The following ABCC9 variants were observed in gnomAD, a reference collection of about 807,000 sequenced individuals.
The protein encoded by ABCC9 is ATP binding cassette subfamily C member 9.
Under a neutral mutation model 188.3 loss-of-function variants are expected in ABCC9, and 95 were observed. The observed-to-expected ratio is 0.50, with a 90% confidence interval of 0.43 to 0.60. The LOEUF (loss-of-function observed/expected upper bound fraction) is 0.60, where lower values mean the gene tolerates loss of function less well. Ranked by LOEUF, ABCC9 falls within the 20% of genes least tolerant of loss-of-function variation. The pLI is 0.00. For missense variants in ABCC9, 1,102 were observed against 1,876.3 expected, an observed-to-expected ratio of 0.59 and a Z score of 7.62; for synonymous variants, 659 against 652.7, an observed-to-expected ratio of 1.01 and a Z score of -0.15.
At chr12:21,834,835 CAT>C (rs1233866697) in intron 30 of ABCC9, among the ~76,000 whole-genome samples, 1 of 144,198 alleles carries the variant, frequency 6.9e-6, no homozygotes, top group African/African-American at 2.6e-5. Flanking sequence ...ACAGTGCGCA[CAT>C]GAGGAGGGAG....
intron 21 of ABCC9, among the ~76,000 whole-genome samples, chr12:21,860,527 T>C (rs571363885): frequency 2.6e-5 from 4 of 152,326 alleles, no homozygotes; most frequent in African/African-American, 7.2e-5. Context: ...TAGGTATAAC[T>C]ATTTTTCAGC....
At chr12:21,857,310 G>A (rs1358043093) in intron 22 of ABCC9, among the ~76,000 whole-genome samples, 3 of 152,044 alleles carry the variant, frequency 2.0e-5, no homozygotes, top group African/African-American at 4.8e-5. Flanking sequence ...TGCTTGCTTG[G>A]CCTAGAGAAA....
chr12:21,818,198 C>T lies in ABCC9; in HGVS notation c.3723G>A (p.Gly1241=). The change falls in exon 32 of 40, where the codon GGG becomes GGA. Residue 1241 remains glycine (G), a synonymous_variant. Coordinates refer to ENST00000261200, the MANE Select transcript of ABCC9 (RefSeq NM_020297.4). ...VLTASIASIS[G]SSNSGLVGLG... is the part of the protein sequence containing the mutation. The stretch of plus-strand genomic sequence containing the variant: ...AGCCTACCAATCCAGAATTCGAAGA[C>T]CCACTAATGGATGCTATAGATGCAG... 6.2e-7 allele frequency: 1 copy of T among 1,613,956 alleles called. No homozygotes were observed. Among genetic ancestry groups the T allele is most frequent in the Non-Finnish European group, 8.5e-7 (1 of 1,179,896 alleles).
intron 3 of ABCC9, among the ~76,000 whole-genome samples, chr12:21,935,902 A>C (rs1415566988): frequency 2.6e-5 from 4 of 152,166 alleles, no homozygotes; most frequent in African/African-American, 9.6e-5. Flanking sequence ...GATTTTATAC[A>C]TATGTAAACT....
chr12:21,930,889 T>C (rs1201135748), intron 4 of ABCC9, among the ~76,000 whole-genome samples: 1 of 152,138 alleles, frequency 6.6e-6, no homozygotes, highest in South Asian at 2.1e-4. Flanking sequence ...CAGGGAAGAT[T>C]GGGCATATGT....
At chr12:21,921,423 A>AT (rs1457627195) in intron 5 of ABCC9, among the ~76,000 whole-genome samples, 2 of 151,562 alleles carry the variant, frequency 1.3e-5, no homozygotes, top group East Asian at 1.9e-4. Flanking sequence ...ATTATTAGTT[A>AT]TTTTTTTCCT....
At chr12:21,937,512 C>T (rs1949534711) in intron 2 of ABCC9, among the ~76,000 whole-genome samples, 1 of 152,028 alleles carries the variant, frequency 6.6e-6, no homozygotes, top group Non-Finnish European at 1.5e-5. Flanking sequence ...CTGGGGATTC[C>T]GGGGCAGAGG....
At position 21,895,260 on chromosome 12, in the gene ABCC9, GA is replaced by G; in HGVS notation, c.1659+14del. On this transcript the variant is annotated intron_variant, in intron 13 of 39. Coordinates refer to ENST00000261200, the MANE Select transcript of ABCC9 (RefSeq NM_020297.4). ...GACTTGGTTTCATTTCTAAAAGAGA[GA>G]AAAAGTGTCTTACAGCAAGAACAGC... The G allele has an allele frequency of 6.2e-7, 1 of 1,610,202 alleles. No individual in the cohort carries two copies. The highest frequency in any genetic ancestry group is 8.5e-7 in the Non-Finnish European group (1 of 1,176,656).
intron 39 of ABCC9, among the ~76,000 whole-genome samples, chr12:21,804,403 C>T (rs946170769): frequency 2.0e-5 from 3 of 152,164 alleles, no homozygotes; most frequent in African/African-American, 7.2e-5. Flanking sequence ...TTTTCTCTCC[C>T]TCTCTCCACC....
At chr12:21,864,962 A>G (rs1022531813) in intron 18 of ABCC9, among the ~76,000 whole-genome samples, 21 of 152,176 alleles carry the variant, frequency 1.4e-4, no homozygotes, top group African/African-American at 5.1e-4. Flanking sequence ...CTGGCCCCTC[A>G]GGAGCTTGTA....
intron 24 of ABCC9, 74 bp from the exon 25 acceptor site, chr12:21,848,320 C>A: frequency 7.7e-7 from 1 of 1,297,802 alleles, no homozygotes; most frequent in South Asian, 1.2e-5. Context: ...ATGACTCACA[C>A]GTGTAAATGG....
chr12:21,842,755 A>G (rs544354515), intron 28 of ABCC9, among the ~76,000 whole-genome samples: 1 of 152,310 alleles, frequency 6.6e-6, no homozygotes, highest in South Asian at 2.1e-4. Context: ...GTGTTTGTTT[A>G]CTGAGCAAGA....
chr12:21,810,078 T>C (rs1159085115), intron 36 of ABCC9, 123 bp from the exon 37 acceptor site: 6 of 689,886 alleles, frequency 8.7e-6, no homozygotes, highest in Non-Finnish European at 1.5e-5. Flanking sequence ...TGCTGTATAT[T>C]CAGCACCTAG....
At chr12:21,913,946 G>A (rs1948431358) in intron 7 of ABCC9, among the ~76,000 whole-genome samples, 1 of 152,132 alleles carries the variant, frequency 6.6e-6, no homozygotes, top group Non-Finnish European at 1.5e-5. Flanking sequence ...AATCTCTGTT[G>A]TAAAGAGAAC....
chr12:21,810,737 C>T (rs1298119844), intron 36 of ABCC9, among the ~76,000 whole-genome samples: 1 of 152,052 alleles, frequency 6.6e-6, no homozygotes, highest in Non-Finnish European at 1.5e-5. Flanking sequence ...CATAGCCAAA[C>T]CATATCAAGT....
chr12:21,868,368 G>A (rs530687736), intron 18 of ABCC9, among the ~76,000 whole-genome samples: 5 of 152,306 alleles, frequency 3.3e-5, no homozygotes, highest in South Asian at 4.1e-4. Context: ...GGCCGGGCAC[G>A]GTGGCTCACG....
intron 22 of ABCC9, among the ~76,000 whole-genome samples, chr12:21,858,271 A>C (rs571992211): frequency 6.6e-6 from 1 of 152,192 alleles, no homozygotes; most frequent in South Asian, 2.1e-4. Flanking sequence ...GGATCCATCC[A>C]TTATTATAAA....
chr12:21,852,598 G>T, intron 22 of ABCC9, 93 bp from the exon 23 acceptor site: 1 of 1,401,754 alleles, frequency 7.1e-7, no homozygotes, highest in Non-Finnish European at 1.0e-6. Context: ...ATAACTAAGG[G>T]CAAATCATCC....
chr12:21,805,281 G>T (rs1941757133), intron 39 of ABCC9: 1 of 1,613,738 alleles, frequency 6.2e-7, no homozygotes, highest in African/African-American at 1.3e-5. Flanking sequence ...ACTAAAACAA[G>T]GCCTGCATCC....
Sources: gnomAD v4.1 joint callset for allele counts (sites outside exome capture counted in the v4.1 genomes callset) on GRCh38, gnomAD v4.1.1 for gene constraint, MANE v1.5 for transcripts, NCBI Gene and HGNC (gene_info 2026-07-23, HGNC 2026-07-21) for gene names.